TAS2R1: variants seen among roughly 807,000 people sequenced by gnomAD.
TAS2R1 encodes the protein taste 2 receptor member 1, also known as taste receptor type 2 member 1.
For synonymous variants in TAS2R1, 141 were observed against 134.2 expected (o/e 1.05, Z -0.35); for missense variants, 370 against 353.4 (o/e 1.05, Z -0.38).
chr5:9,791,294 G>C, the TAS2R1 span, among the ~76,000 whole-genome samples: 38 of 152,320 alleles, frequency 2.5e-4, no homozygotes, highest in Admixed American at 7.2e-4. Flanking sequence ...CAGTGAGAGA[G>C]AAGAGCATCT....
intron 2 of TAS2R1, among the ~76,000 whole-genome samples, chr5:9,656,026 C>T (rs1740411159): frequency 6.6e-6 from 1 of 152,076 alleles, no homozygotes; most frequent in Non-Finnish European, 1.5e-5. Context: ...CAATGCTATA[C>T]CACTCAGTAC....
At chr5:9,789,866 A>G in the TAS2R1 span, among the ~76,000 whole-genome samples, 2 of 152,252 alleles carry the variant, frequency 1.3e-5, no homozygotes, top group Non-Finnish European at 1.5e-5. Flanking sequence ...CAACAAGTAT[A>G]TTGGCTGTGG....
At chr5:9,785,621 T>C in the TAS2R1 span, among the ~76,000 whole-genome samples, 1 of 152,236 alleles carries the variant, frequency 6.6e-6, no homozygotes, top group South Asian at 2.1e-4. Context: ...TTATACAATT[T>C]TATTCCTTCT....
At chr5:9,821,285 G>A in the TAS2R1 span, among the ~76,000 whole-genome samples, 1 of 152,158 alleles carries the variant, frequency 6.6e-6, no homozygotes, top group Admixed American at 6.5e-5. Flanking sequence ...AGTGAGCAGA[G>A]AGAAGACTCA....
intron 1 of TAS2R1, chr5:9,659,950 A>G (rs1271052000): frequency 6.6e-6 from 1 of 152,218 alleles, no homozygotes; most frequent in Non-Finnish European, 1.5e-5. Context: ...TGGGTAATGA[A>G]TAACACCAAG....
chr5:9,663,694 G>GTGA (rs1201221921), intron 1 of TAS2R1, among the ~76,000 whole-genome samples: 1 of 152,188 alleles, frequency 6.6e-6, no homozygotes, highest in Non-Finnish European at 1.5e-5. Flanking sequence ...GGAGTTGAAT[G>GTGA]TGACACTCAG....
chr5:9,847,139 G>A, the TAS2R1 span, among the ~76,000 whole-genome samples: 32 of 152,228 alleles, frequency 2.1e-4, no homozygotes, highest in South Asian at 4.2e-4. Context: ...AACCTTACAC[G>A]CTGAAATCCA....
intron 1 of TAS2R1, among the ~76,000 whole-genome samples, chr5:9,680,642 G>A (rs1371840531): frequency 2.0e-5 from 3 of 151,924 alleles, no homozygotes; most frequent in Non-Finnish European, 4.4e-5. Flanking sequence ...CCAATAAAGG[G>A]GTATCCTAAA....
At chr5:9,697,738 G>A (rs1410431844) in intron 1 of TAS2R1, among the ~76,000 whole-genome samples, 1 of 152,034 alleles carries the variant, frequency 6.6e-6, no homozygotes, top group Admixed American at 6.6e-5. Context: ...ATAACAAATA[G>A]AATACTTTAT....
At chr5:9,885,989 G>T in the TAS2R1 span, among the ~76,000 whole-genome samples, 1 of 151,788 alleles carries the variant, frequency 6.6e-6, no homozygotes, top group Non-Finnish European at 1.5e-5. Context: ...TGAGGGTGGT[G>T]CATATACTGT....
chr5:9,876,356 TC>T, the TAS2R1 span, among the ~76,000 whole-genome samples: 3 of 152,212 alleles, frequency 2.0e-5, no homozygotes, highest in Non-Finnish European at 4.4e-5. Context: ...CAAAGACGAT[TC>T]CTGAGCTTGC....
At chr5:9,862,384 C>T in the TAS2R1 span, among the ~76,000 whole-genome samples, 1 of 152,104 alleles carries the variant, frequency 6.6e-6, no homozygotes, top group Non-Finnish European at 1.5e-5. Flanking sequence ...TGTGGGCAAC[C>T]TGTTCTGACA....
At chr5:9,902,346 G>T in the TAS2R1 span, among the ~76,000 whole-genome samples, 9 of 152,144 alleles carry the variant, frequency 5.9e-5, 1 homozygote, top group Middle Eastern at 3.4e-3. Context: ...GAGGGCTGCT[G>T]TCTCCCCAGA....
At chr5:9,696,273 C>T (rs907069527) in intron 1 of TAS2R1, among the ~76,000 whole-genome samples, 10 of 152,042 alleles carry the variant, frequency 6.6e-5, no homozygotes, top group African/African-American at 2.4e-4. Flanking sequence ...ATATATTAAA[C>T]ATGAGATCTG....
chr5:9,853,154 C>A, the TAS2R1 span, among the ~76,000 whole-genome samples: 1 of 152,178 alleles, frequency 6.6e-6, no homozygotes, highest in African/African-American at 2.4e-5. Context: ...GCATCACAGG[C>A]AAGCCCAAAA....
At chr5:9,667,335 C>G (rs1579775023) in intron 1 of TAS2R1, among the ~76,000 whole-genome samples, 1 of 152,326 alleles carries the variant, frequency 6.6e-6, no homozygotes, top group South Asian at 2.1e-4. Flanking sequence ...AGCCTAGAGG[C>G]TCTACCTCTG....
the TAS2R1 span, among the ~76,000 whole-genome samples, chr5:9,898,407 G>A: frequency 6.6e-6 from 1 of 152,186 alleles, no homozygotes; most frequent in African/African-American, 2.4e-5. Context: ...AGAGGGACGA[G>A]GTAGAAGCCG....
At chr5:9,741,563 A>G in the TAS2R1 span, among the ~76,000 whole-genome samples, 1 of 152,364 alleles carries the variant, frequency 6.6e-6, no homozygotes, top group African/African-American at 2.4e-5. Flanking sequence ...AAAGATTTAC[A>G]TGAAATAAAA....
chr5:9,752,796 G>A, the TAS2R1 span, among the ~76,000 whole-genome samples: 1 of 152,006 alleles, frequency 6.6e-6, no homozygotes, highest in Non-Finnish European at 1.5e-5. Context: ...AGAACATGCG[G>A]TGTTTAGTTT....
Sources: allele counts gnomAD v4.1 joint callset (sites outside exome capture counted in the v4.1 genomes callset), GRCh38; gene constraint gnomAD v4.1.1; transcripts MANE v1.5; gene names NCBI Gene and HGNC (gene_info 2026-07-23, HGNC 2026-07-21).